The following TIAM2 variants were observed in gnomAD, a reference collection of about 807,000 sequenced individuals.
TIAM2 encodes TIAM Rac1 associated GEF 2.
Under a neutral mutation model 152.9 loss-of-function variants are expected in TIAM2, and 80 were observed. The ratio of observed to expected loss-of-function variants is 0.52; its 90% CI spans 0.44 to 0.63. The LOEUF (loss-of-function observed/expected upper bound fraction) is 0.63. Among genes scored for constraint, TIAM2 ranks in the 30% least tolerant of loss-of-function variants. TIAM2 has a pLI of 0.00. For missense variants in TIAM2, 1,965 were observed against 2,120.1 expected (o/e 0.93, Z 1.44); for synonymous variants, 804 against 838.0 (o/e 0.96, Z 0.70).
intron 7 of TIAM2, among the ~76,000 whole-genome samples, chr6:155,150,658 A>G (rs1779933245): frequency 6.6e-6 from 1 of 152,156 alleles, no homozygotes; most frequent in African/African-American, 2.4e-5. Context: ...TATAAACAAG[A>G]GCAATTTATT....
intron 2 of TIAM2, among the ~76,000 whole-genome samples, chr6:155,109,203 C>G (rs1371654445): frequency 6.6e-6 from 1 of 152,084 alleles, no homozygotes; most frequent in Non-Finnish European, 1.5e-5. Context: ...CCAGGATGGT[C>G]TTGATCTCCT....
intron 18 of TIAM2, among the ~76,000 whole-genome samples, chr6:155,245,210 T>C (rs776882939): frequency 3.3e-5 from 5 of 152,208 alleles, no homozygotes; most frequent in Non-Finnish European, 7.3e-5. Flanking sequence ...CAGTGCTCCA[T>C]AGCATCCGTG....
Position 155,129,853 on chromosome 6 carries a change from T to C in TIAM2, c.630T>C (p.Pro210=), listed in dbSNP as rs747787073. 30 of 1,613,576 alleles carry C rather than the reference T, an allele frequency of 1.9e-5. No individual in the cohort carries two copies. The highest frequency in any genetic ancestry group is 8.9e-5 in the East Asian group (4 of 44,890). ...CTACCTTAGCATCGGAAACCTCCCC[T>C]GTGCCTGAAGCCAGGAGGGGGTCCA... ...YSPTLASETS[P]VPEARRGSSA... Residue 210 remains proline (P), a synonymous_variant, in exon 4 of 27, where the codon CCT becomes CCC. Coordinates refer to ENST00000682666, the MANE Select transcript of TIAM2 (RefSeq NM_012454.4). This position sits in a 1 kb window ranked among gnomAD's most constrained non-coding sequence, Gnocchi z 4.8.
At chr6:155,210,257 A>T (rs1006687907) in intron 14 of TIAM2, among the ~76,000 whole-genome samples, 1 of 151,416 alleles carries the variant, frequency 6.6e-6, no homozygotes, top group African/African-American at 2.4e-5. Flanking sequence ...TAAATTTTAA[A>T]TTTTCATTTT....
chr6:155,045,050 CTTTTT>C (rs200620585), intron 1 of TIAM2, among the ~76,000 whole-genome samples: 4 of 132,052 alleles, frequency 3.0e-5, no homozygotes, highest in African/African-American at 5.6e-5. Context: ...TTTTCTTTTT[CTTTTT>C]TTTTTTTTTT....
chr6:155,148,075 G>T, intron 6 of TIAM2, 35 bp from the exon 7 acceptor site: 7 of 1,608,558 alleles, frequency 4.4e-6, no homozygotes, highest in Non-Finnish European at 6.0e-6. Flanking sequence ...GTGGTAAAAT[G>T]ATTCGAAACA....
chr6:155,045,031 CCTTTTT>C (rs1189719211), intron 1 of TIAM2, among the ~76,000 whole-genome samples: 18 of 150,738 alleles, frequency 1.2e-4, no homozygotes, highest in African/African-American at 3.2e-4. Flanking sequence ...TACTGAAAGC[CCTTTTT>C]CTTTTTCTTT....
At chr6:155,120,949 C>T (rs1469423900) in intron 2 of TIAM2, among the ~76,000 whole-genome samples, 2 of 152,154 alleles carry the variant, frequency 1.3e-5, no homozygotes, top group East Asian at 1.9e-4. Context: ...CATTTCCTAA[C>T]GTGAGTTATC....
At chr6:155,172,678 ATATATATATTTTTTTT>A (rs1296945431) in intron 9 of TIAM2, among the ~76,000 whole-genome samples, 2 of 13,948 alleles carry the variant, frequency 1.4e-4, no homozygotes, top group African/African-American at 3.5e-4. Flanking sequence ...ATATATATAT[ATATATATATTTTTTTT>A]TTTTTTTTTT....
chr6:155,257,269 T>G lies in TIAM2; in HGVS notation c.*148T>G. 1 of 882,106 alleles carries G rather than the reference T, an allele frequency of 1.1e-6. No homozygotes were observed. Among genetic ancestry groups the G allele is most frequent in the East Asian group, 2.7e-5 (1 of 37,462 alleles). 54.6% of individuals were successfully genotyped at this position (882,106 alleles called of 1,614,324 possible). ...TTTCCCACAAAATGGTTGTAAAGAT[T>G]TAAGTTATTTTAATTTATTGTGGAT... On this transcript the variant is annotated 3_prime_UTR_variant, in exon 27 of 27. Transcript: ENST00000682666.
chr6:155,137,321 C>T lies in TIAM2; in HGVS notation c.1339C>T (p.His447Tyr). Residue 447 changes from histidine to tyrosine, a missense_variant, in exon 5 of 27, where the codon CAT becomes TAT. Coordinates refer to ENST00000682666, the MANE Select transcript of TIAM2 (RefSeq NM_012454.4). ...CCTGTCTCAGAGAAGTGAATCCACACATGCGATTGGCAGCGATCCCCTCCG... is the reference window on the plus strand; with the variant it reads ...CCTGTCTCAGAGAAGTGAATCCACATATGCGATTGGCAGCGATCCCCTCCG... ...QILSQRSEST[H>Y]AIGSDPLRQN... 1 of 1,614,250 alleles carries T rather than the reference C, an allele frequency of 6.2e-7. No homozygotes were observed. Among genetic ancestry groups the T allele is most frequent in the Non-Finnish European group, 8.5e-7 (1 of 1,180,044 alleles).
At chr6:155,058,694 A>C (rs1229916568) in intron 1 of TIAM2, among the ~76,000 whole-genome samples, 1 of 152,192 alleles carries the variant, frequency 6.6e-6, no homozygotes, top group Non-Finnish European at 1.5e-5. Context: ...ACCTGTGATC[A>C]CTAAGTCTTG....
chr6:155,060,976 A>G (rs549844776), intron 1 of TIAM2, among the ~76,000 whole-genome samples: 78 of 152,338 alleles, frequency 5.1e-4, no homozygotes, highest in African/African-American at 9.6e-4. Context: ...CTGGTACTAC[A>G]GGTACCTGGT....
At position 155,244,643 on chromosome 6, in the gene TIAM2, C is replaced by T; in HGVS notation, c.3418-15C>T. ...ATGGCTAATCCCCTCATTTCAAATC[C>T]TGATCTTCACATAGATGGAGTCACT... On this transcript the variant is annotated splice_polypyrimidine_tract_variant and intron_variant, in intron 17 of 26. Coordinates refer to ENST00000682666, the MANE Select transcript of TIAM2 (RefSeq NM_012454.4). The T allele has an allele frequency of 6.2e-7, 1 of 1,612,844 alleles. No homozygotes were observed. The highest frequency in any genetic ancestry group is 1.1e-5 in the South Asian group (1 of 90,820).
intron 1 of TIAM2, among the ~76,000 whole-genome samples, chr6:155,001,712 T>C (rs1384960884): frequency 1.3e-5 from 2 of 152,234 alleles, no homozygotes; most frequent in Non-Finnish European, 2.9e-5. Flanking sequence ...TGTGTTTTCA[T>C]GGTGTTGGAT....
chr6:155,179,933 A>C (rs1780856776), intron 12 of TIAM2, among the ~76,000 whole-genome samples: 1 of 152,168 alleles, frequency 6.6e-6, no homozygotes, highest in Admixed American at 6.6e-5. Context: ...TTTCTTGAAG[A>C]AGCCGTGTCT....
At chr6:155,024,138 T>G (rs1776553397) in intron 1 of TIAM2, among the ~76,000 whole-genome samples, 1 of 152,204 alleles carries the variant, frequency 6.6e-6, no homozygotes, top group Admixed American at 6.5e-5. Context: ...GCACTTGTTC[T>G]TCAGACTGCG....
chr6:155,224,663 C>T (rs978349563), intron 15 of TIAM2, among the ~76,000 whole-genome samples: 1 of 152,240 alleles, frequency 6.6e-6, no homozygotes, highest in Non-Finnish European at 1.5e-5. Context: ...CCCTTCCACA[C>T]CCCGACTGTG....
chr6:155,077,396 T>A (rs960473419), intron 1 of TIAM2, among the ~76,000 whole-genome samples: 40 of 152,334 alleles, frequency 2.6e-4, no homozygotes, highest in Non-Finnish European at 4.9e-4. Context: ...CACAGCAATC[T>A]CCAAGTCTCA....
Sources: allele counts gnomAD v4.1 joint callset (sites outside exome capture counted in the v4.1 genomes callset), GRCh38; gene constraint gnomAD v4.1.1; non-coding constraint Gnocchi (gnomAD v3.1); transcripts MANE v1.5; gene names NCBI Gene and HGNC (gene_info 2026-07-23, HGNC 2026-07-21).